The following CRADD variants were observed in gnomAD, a reference collection of about 807,000 sequenced individuals.
CRADD encodes the protein death domain-containing protein CRADD.
Under a neutral mutation model 15.5 loss-of-function variants are expected in CRADD, and 9 were observed. That is an observed-to-expected ratio of 0.58 (90% CI 0.35 to 1.01). The LOEUF (loss-of-function observed/expected upper bound fraction) is 1.01. Ranked by LOEUF, CRADD falls within the 50% of genes least tolerant of loss-of-function variation. The pLI is 0.02. For synonymous variants in CRADD, 118 were observed against 107.6 expected (o/e 1.10, Z -0.60); for missense variants, 227 against 250.3 (o/e 0.91, Z 0.63).
At chr12:93,697,083 T>C (rs965730774) in intron 2 of CRADD, among the ~76,000 whole-genome samples, 1 of 152,152 alleles carries the variant, frequency 6.6e-6, no homozygotes, top group Admixed American at 6.5e-5. Context: ...AAGTGATAAG[T>C]GTATGAGATA....
chr12:93,784,182 A>G (rs17837165), intron 2 of CRADD, among the ~76,000 whole-genome samples: 5,745 of 152,188 alleles, frequency 0.038, 272 homozygotes, highest in East Asian at 0.19. Context: ...GTTTCCTTCA[A>G]GAATCGAGGC....
chr12:93,806,476 A>AG (rs1957540552), intron 2 of CRADD, among the ~76,000 whole-genome samples: 2 of 150,176 alleles, frequency 1.3e-5, no homozygotes, highest in African/African-American at 4.9e-5. Context: ...AAAAAAACAA[A>AG]AAAAAGAAAA....
chr12:93,723,777 C>T (rs1034426882), intron 2 of CRADD, among the ~76,000 whole-genome samples: 4 of 152,132 alleles, frequency 2.6e-5, no homozygotes, highest in African/African-American at 9.7e-5. Context: ...AAGCCTGTGC[C>T]TCTGGACTGT....
chr12:93,855,462 CTGTT>C (rs1196209756), downstream of CRADD, among the ~76,000 whole-genome samples: 3 of 152,234 alleles, frequency 2.0e-5, no homozygotes, highest in Non-Finnish European at 4.4e-5. Context: ...CAGGAACTCA[CTGTT>C]TGACCAATGA....
At chr12:93,716,085 T>C (rs917993615) in intron 2 of CRADD, among the ~76,000 whole-genome samples, 1 of 151,636 alleles carries the variant, frequency 6.6e-6, no homozygotes, top group Non-Finnish European at 1.5e-5. Flanking sequence ...TGAGCTGAGA[T>C]TGTGCCACTG....
chr12:93,890,941 G>A (rs770412551), intron 2 of CRADD, among the ~76,000 whole-genome samples: 2 of 151,476 alleles, frequency 1.3e-5, no homozygotes, highest in African/African-American at 4.8e-5. Context: ...TAGAGATGGG[G>A]TTTTGCCCTG....
At chr12:93,861,973 C>T (rs557440529) in intron 2 of CRADD, among the ~76,000 whole-genome samples, 7 of 152,190 alleles carry the variant, frequency 4.6e-5, no homozygotes, top group East Asian at 3.9e-4. Context: ...ATACTTTTCT[C>T]GTGGTAGTGA....
At chr12:93,787,305 GTTTTTTTTTTTT>G (rs34146137) in intron 2 of CRADD, among the ~76,000 whole-genome samples, 1 of 124,744 alleles carries the variant, frequency 8.0e-6, no homozygotes, top group Non-Finnish European at 1.6e-5. Flanking sequence ...GTATGACAGG[GTTTTTTTTTTTT>G]TTTTTTTTTT....
intron 2 of CRADD, chr12:93,893,956 T>TAGAG: frequency 1.4e-6 from 1 of 691,692 alleles, no homozygotes; most frequent in Non-Finnish European, 2.6e-6. Flanking sequence ...TTGTTTGACC[T>TAGAG]AGAGCTTAAA....
At chr12:93,693,465 G>C (rs1288012294) in intron 2 of CRADD, among the ~76,000 whole-genome samples, 1 of 151,992 alleles carries the variant, frequency 6.6e-6, no homozygotes, top group Non-Finnish European at 1.5e-5. Flanking sequence ...AGACCAAGTA[G>C]ATTTTAAGTC....
At chr12:93,806,962 C>G (rs1957546445) in intron 2 of CRADD, among the ~76,000 whole-genome samples, 1 of 152,112 alleles carries the variant, frequency 6.6e-6, no homozygotes, top group Admixed American at 6.6e-5. Context: ...CAGAACTACC[C>G]AGGACTGGCC....
intron 2 of CRADD, among the ~76,000 whole-genome samples, chr12:93,881,602 C>A (rs994153164): frequency 6.6e-6 from 1 of 152,094 alleles, no homozygotes; most frequent in African/African-American, 2.4e-5. Flanking sequence ...CAGTTACAAG[C>A]ATGTGCAGAA....
intron 2 of CRADD, among the ~76,000 whole-genome samples, chr12:93,780,497 A>T (rs1160184728): frequency 6.6e-6 from 1 of 152,198 alleles, no homozygotes; most frequent in East Asian, 1.9e-4. Flanking sequence ...ATGGGCTGGG[A>T]TTCAGATCAA....
At chr12:93,776,701 A>C (rs778338582) in intron 2 of CRADD, among the ~76,000 whole-genome samples, 1 of 152,260 alleles carries the variant, frequency 6.6e-6, no homozygotes, top group Admixed American at 6.5e-5. Flanking sequence ...AAAATGGGGC[A>C]TATACATACA....
chr12:93,878,902 T>G lies in CRADD; in HGVS notation c.299-15148T>G, dbSNP rs578076090. Among the ~76,000 whole-genome samples, 19 of 152,112 alleles carry G rather than the reference T, an allele frequency of 1.2e-4. 1 individual carries two copies. The highest frequency in any genetic ancestry group is 4.6e-4 in the African/African-American group (19 of 41,520). On this transcript the variant is annotated intron_variant, in intron 2 of 2. Transcript: ENST00000548483. ...CTGATTTTTGGTTCTGATGAAAGTG[T>G]TTTTTTTCTGCGTAGATCGTTGTTA...
chr12:93,790,912 G>GACACAC lies in CRADD; in HGVS notation c.299-59035_299-59030dup, dbSNP rs58305551. Among the ~76,000 whole-genome samples the GACACAC allele has an allele frequency of 3.3e-3, 483 of 144,848 alleles. 2 individuals are homozygous for GACACAC. Among genetic ancestry groups the GACACAC allele is most frequent in the African/African-American group, 7.7e-3 (299 of 38,662 alleles). On this transcript the variant is annotated intron_variant, in intron 2 of 2. Coordinates refer to ENST00000332896, the MANE Select transcript of CRADD (RefSeq NM_003805.5). ...CCAAGAAATAAAATGCCATATACAT[G>GACACAC]ACACACACACACACACACACACACA...
intron 2 of CRADD, among the ~76,000 whole-genome samples, chr12:93,861,469 C>T (rs566131247): frequency 1.3e-4 from 20 of 152,332 alleles, no homozygotes; most frequent in Non-Finnish European, 2.5e-4. Context: ...AGCTAATGGC[C>T]TTTGGCTGTC....
intron 2 of CRADD, among the ~76,000 whole-genome samples, chr12:93,875,743 A>G (rs886515703): frequency 2.0e-5 from 3 of 151,986 alleles, no homozygotes; most frequent in African/African-American, 4.8e-5. Flanking sequence ...TTGTTGTTCT[A>G]TTTATATCTT....
chr12:93,885,010 T>C (rs1334456519), intron 2 of CRADD, among the ~76,000 whole-genome samples: 1 of 151,978 alleles, frequency 6.6e-6, no homozygotes, highest in Admixed American at 6.6e-5. Flanking sequence ...TTCCCTTGGG[T>C]TGGGGGCAGG....
Sources: gnomAD v4.1 joint callset for allele counts (sites outside exome capture counted in the v4.1 genomes callset) on GRCh38, gnomAD v4.1.1 for gene constraint, MANE v1.5 for transcripts, NCBI Gene and HGNC (gene_info 2026-07-23, HGNC 2026-07-21) for gene names.